KIAA0319: variants seen among roughly 807,000 people sequenced by gnomAD.
KIAA0319 encodes KIAA0319.
In KIAA0319, 83 loss-of-function variants were observed where a neutral mutation model predicts 108.4. That is an observed-to-expected ratio of 0.77 (90% CI 0.64 to 0.92). KIAA0319 has a LOEUF of 0.92. KIAA0319 is among the 40% of genes least tolerant of loss of function. The probability of loss-of-function intolerance (pLI) is 0.00; values close to 1 mark genes in which losing one functional copy is unlikely to be tolerated. For missense variants in KIAA0319, 1,195 were observed against 1,322.4 expected, an observed-to-expected ratio of 0.90 and a Z score of 1.49; for synonymous variants, 484 against 510.4, an observed-to-expected ratio of 0.95 and a Z score of 0.70.
chr6:24,642,136 G>T, intron 1 of KIAA0319, among the ~76,000 whole-genome samples: 1 of 122,620 alleles, frequency 8.2e-6, no homozygotes, highest in Non-Finnish European at 1.7e-5. Flanking sequence ...AGTAGGGAGG[G>T]GAAGGGGAGG....
At chr6:24,617,734 C>T (rs1773358832) in intron 1 of KIAA0319, among the ~76,000 whole-genome samples, 1 of 152,182 alleles carries the variant, frequency 6.6e-6, no homozygotes, top group African/African-American at 2.4e-5. Context: ...TGCCTATAAT[C>T]CCAGCACTTT....
chr6:24,584,795 C>T (rs532980932), intron 4 of KIAA0319, among the ~76,000 whole-genome samples: 123 of 152,216 alleles, frequency 8.1e-4, no homozygotes, highest in African/African-American at 2.7e-3. Context: ...ACTTATATAC[C>T]GGATTAAACT....
chr6:24,540,426 C>T (rs1159519006), downstream of KIAA0319, among the ~76,000 whole-genome samples: 6 of 152,116 alleles, frequency 3.9e-5, no homozygotes, highest in Non-Finnish European at 8.8e-5. Flanking sequence ...CCATCACTGA[C>T]AGAAATTTCA....
chr6:24,562,826 G>A lies in KIAA0319; in HGVS notation c.2591+533C>T, dbSNP rs375215588. ...TGCACTTTAGCCTAGGCAACAGAGCGAGACCCTGTCTCAAAAAATAAAAAT... is the reference window on the plus strand; with the variant it reads ...TGCACTTTAGCCTAGGCAACAGAGCAAGACCCTGTCTCAAAAAATAAAAAT... On this transcript the variant is annotated intron_variant, in intron 16 of 20. Transcript: ENST00000378214. Among the ~76,000 whole-genome samples, 118 of 152,146 alleles carry A rather than the reference G, an allele frequency of 7.8e-4. No individual in the cohort carries two copies. In the South Asian group the frequency reaches 0.022, roughly 28 times the overall value.
intron 10 of KIAA0319, among the ~76,000 whole-genome samples, chr6:24,573,086 C>T (rs953259297): frequency 2.0e-5 from 3 of 152,168 alleles, no homozygotes; most frequent in Non-Finnish European, 4.4e-5. Context: ...TGCACCACTG[C>T]ACTGCAGCCT....
At chr6:24,596,914 C>T (rs1044753780) in intron 2 of KIAA0319, among the ~76,000 whole-genome samples, 1 of 151,976 alleles carries the variant, frequency 6.6e-6, no homozygotes, top group South Asian at 2.1e-4. Flanking sequence ...CATCCTTTCA[C>T]CCACATACTC....
At chr6:24,605,640 G>A (rs2127542399) in intron 1 of KIAA0319, among the ~76,000 whole-genome samples, 1 of 152,204 alleles carries the variant, frequency 6.6e-6, no homozygotes, top group South Asian at 2.1e-4. Flanking sequence ...GTTATAAATA[G>A]TACAAGCCCA....
At chr6:24,598,017 C>G in intron 2 of KIAA0319, 1 of 245,434 alleles carries the variant, frequency 4.1e-6, no homozygotes, top group Non-Finnish European at 8.1e-6. Context: ...CCACCATATC[C>G]ATCAAGGTGA....
At chr6:24,616,247 G>A (rs1172735727) in intron 1 of KIAA0319, among the ~76,000 whole-genome samples, 2 of 152,198 alleles carry the variant, frequency 1.3e-5, no homozygotes, top group African/African-American at 2.4e-5. Flanking sequence ...TGATCCTCTT[G>A]AGGTATCCTT....
chr6:24,625,122 T>G (rs965807210), intron 1 of KIAA0319, among the ~76,000 whole-genome samples: 3 of 152,056 alleles, frequency 2.0e-5, no homozygotes, highest in Non-Finnish European at 4.4e-5. Flanking sequence ...ATAACTTCTG[T>G]TTTTTTTATT....
chr6:24,564,290 C>G lies in KIAA0319; in HGVS notation c.2343G>C (p.Leu781=), dbSNP rs570010479. 6.2e-7 allele frequency: 1 copy of G among 1,614,164 alleles called. No homozygotes were observed. The highest frequency in any genetic ancestry group is 1.3e-5 in the African/African-American group (1 of 75,040). ...DHSVALQLTN[L]VEGVYTFHLR... Reference sequence around the variant, plus strand: ...AGTGGAAAGTGTACACCCCCTCCACCAGATTCGTAAGCTGCAGAGCCACAC... The same window carrying G: ...AGTGGAAAGTGTACACCCCCTCCACGAGATTCGTAAGCTGCAGAGCCACAC... The change falls in exon 15 of 21, where the codon CTG becomes CTC. Residue 781 remains leucine (L), a synonymous_variant. Transcript: ENST00000378214.
rs774511802 is a variant in KIAA0319 at position 24,588,074 on chromosome 6, C to T, written c.994+519G>A. On this transcript the variant is annotated intron_variant, in intron 4 of 20. Coordinates refer to ENST00000378214, the MANE Select transcript of KIAA0319 (RefSeq NM_014809.4). ...CCCTTACAGTTCTTCCGAAATGTCC[C>T]GTGAGCTCTTGTACTTCTGTTTTCT... 5.9e-5 allele frequency among the ~76,000 whole-genome samples: 9 copies of T among 152,316 alleles called. No homozygotes were observed. The South Asian group carries it at 8.3e-4, about 14-fold the overall frequency.
At chr6:24,641,293 T>C (rs1776874783) in intron 1 of KIAA0319, among the ~76,000 whole-genome samples, 1 of 152,250 alleles carries the variant, frequency 6.6e-6, no homozygotes, top group South Asian at 2.1e-4. Context: ...ATTTTGTTTA[T>C]CCACATATCC....
intron 10 of KIAA0319, among the ~76,000 whole-genome samples, chr6:24,575,252 G>A (rs532622466): frequency 6.6e-6 from 1 of 152,278 alleles, no homozygotes; most frequent in African/African-American, 2.4e-5. Context: ...TAGAGGCAAG[G>A]CTCACAGTGT....
At chr6:24,561,669 G>A (rs930199833) in intron 16 of KIAA0319, among the ~76,000 whole-genome samples, 2 of 151,860 alleles carry the variant, frequency 1.3e-5, no homozygotes, top group African/African-American at 4.8e-5. Flanking sequence ...CAGCCTCCTG[G>A]GTAGCTGAGA....
At chr6:24,584,724 T>C (rs1767181992) in intron 4 of KIAA0319, among the ~76,000 whole-genome samples, 1 of 152,268 alleles carries the variant, frequency 6.6e-6, no homozygotes, top group South Asian at 2.1e-4. Flanking sequence ...TGTCCAAGGC[T>C]GTATGGTAAT....
chr6:24,576,784 G>C (rs778428251), intron 9 of KIAA0319, among the ~76,000 whole-genome samples, 188 bp from the exon 10 acceptor site: 1 of 151,870 alleles, frequency 6.6e-6, no homozygotes, highest in Non-Finnish European at 1.5e-5. Context: ...AATTAGCCGA[G>C]TGTGGTCATG....
At chr6:24,638,769 A>C (rs1045579423) in intron 1 of KIAA0319, among the ~76,000 whole-genome samples, 1 of 152,202 alleles carries the variant, frequency 6.6e-6, no homozygotes, top group African/African-American at 2.4e-5. Flanking sequence ...CAAAAAAAAA[A>C]AAAAGAATTA....
intron 6 of KIAA0319, among the ~76,000 whole-genome samples, chr6:24,581,738 A>G (rs1381313835): frequency 6.6e-6 from 1 of 152,202 alleles, no homozygotes; most frequent in African/African-American, 2.4e-5. Flanking sequence ...ACTGAGATAT[A>G]CTAAGTAACC....
Sources: allele counts gnomAD v4.1 joint callset (sites outside exome capture counted in the v4.1 genomes callset), GRCh38; gene constraint gnomAD v4.1.1; transcripts MANE v1.5; gene names NCBI Gene and HGNC (gene_info 2026-07-23, HGNC 2026-07-21).